SRPK2: variants seen among roughly 807,000 people sequenced by gnomAD.
SRPK2 encodes SFRS protein kinase 2.
Under a neutral mutation model 90.8 loss-of-function variants are expected in SRPK2, and 21 were observed. The ratio of observed to expected loss-of-function variants is 0.23; its 90% CI spans 0.16 to 0.33. SRPK2 has a LOEUF of 0.33. SRPK2 is among the 10% of genes least tolerant of loss of function. SRPK2 has a pLI of 1.00. For missense variants in SRPK2, 620 were observed against 869.0 expected, an observed-to-expected ratio of 0.71 and a Z score of 3.60; for synonymous variants, 288 against 311.1, an observed-to-expected ratio of 0.93 and a Z score of 0.78.
chr7:105,359,088 C>G (rs12671047), intron 2 of SRPK2, among the ~76,000 whole-genome samples: 2 of 150,266 alleles, frequency 1.3e-5, no homozygotes, highest in African/African-American at 4.9e-5. Context: ...ACCACCAACA[C>G]TGGGGTATCA....
chr7:105,316,985 C>A (rs923469069), intron 2 of SRPK2, among the ~76,000 whole-genome samples: 1 of 152,194 alleles, frequency 6.6e-6, no homozygotes, highest in South Asian at 2.1e-4. Context: ...CTCCTTTATA[C>A]CTGAAAATCA....
chr7:105,204,139 C>A (rs761980478), intron 2 of SRPK2, among the ~76,000 whole-genome samples: 1 of 152,144 alleles, frequency 6.6e-6, no homozygotes, highest in Non-Finnish European at 1.5e-5. Context: ...TGGTATATAG[C>A]CTTATTGGTT....
At chr7:105,193,075 C>G (rs1794503304) in intron 3 of SRPK2, among the ~76,000 whole-genome samples, 1 of 152,230 alleles carries the variant, frequency 6.6e-6, no homozygotes, top group East Asian at 1.9e-4. Flanking sequence ...TTGTTTTGAT[C>G]ACATTTGCAT....
At chr7:105,385,688 C>A (rs1310042647) in intron 2 of SRPK2, among the ~76,000 whole-genome samples, 1 of 152,200 alleles carries the variant, frequency 6.6e-6, no homozygotes, top group Non-Finnish European at 1.5e-5. Flanking sequence ...CTCGATCCTG[C>A]CCAAATGCCA....
upstream of SRPK2, chr7:105,389,254 C>G (rs1463139304): frequency 8.0e-7 from 1 of 1,256,632 alleles, no homozygotes; most frequent in Admixed American, 2.5e-5. Flanking sequence ...CCCGGCCGGT[C>G]GCGCCGCCCG....
intron 2 of SRPK2, among the ~76,000 whole-genome samples, chr7:105,295,156 G>A (rs1056091349): frequency 7.9e-5 from 12 of 151,336 alleles, no homozygotes; most frequent in African/African-American, 2.9e-4. Flanking sequence ...AGGCTGCGGT[G>A]AGCCAAACTG....
intron 2 of SRPK2, among the ~76,000 whole-genome samples, chr7:105,310,528 C>CA (rs1413870020): frequency 6.6e-6 from 1 of 152,074 alleles, no homozygotes; most frequent in African/African-American, 2.4e-5. Flanking sequence ...CCTGTAGTTC[C>CA]AGCTACTCGA....
intron 2 of SRPK2, among the ~76,000 whole-genome samples, chr7:105,308,589 T>C (rs1008145131): frequency 1.3e-5 from 2 of 152,160 alleles, no homozygotes; most frequent in African/African-American, 2.4e-5. Context: ...TAGTACTACT[T>C]TTCCAATTGG....
chr7:105,347,978 C>A (rs1816669260), intron 2 of SRPK2, among the ~76,000 whole-genome samples: 1 of 151,672 alleles, frequency 6.6e-6, no homozygotes, highest in African/African-American at 2.4e-5. Context: ...TTGCACATTT[C>A]CTTGAAAACA....
intron 2 of SRPK2, among the ~76,000 whole-genome samples, chr7:105,234,113 A>G (rs1563121684): frequency 6.6e-6 from 1 of 152,120 alleles, no homozygotes. Context: ...ACAGATTCAC[A>G]TTAAGAACAC....
At position 105,125,129 on chromosome 7, in the gene SRPK2, CAA is replaced by C. The variant is rs61616576; in HGVS notation, c.1915+1117_1915+1118del. Among the ~76,000 whole-genome samples, 35 of 88,092 alleles carry C rather than the reference CAA, an allele frequency of 4.0e-4. No homozygotes were observed. In the East Asian group the frequency reaches 4.1e-3, roughly 10 times the overall value. The allele number at this position is 88,092 out of a possible 152,430, so 57.8% of individuals were successfully genotyped here. Reference sequence around the variant, plus strand: ...TGGGCAACAGAGCAAGACTCCATCTCAAAAAAAAAAAAAAAAAAAAGAATATA... The same window carrying C: ...TGGGCAACAGAGCAAGACTCCATCTCAAAAAAAAAAAAAAAAAAGAATATA... On this transcript the variant is annotated intron_variant, in intron 15 of 15. Transcript: ENST00000393651.
chr7:105,301,610 C>A (rs182182415), intron 2 of SRPK2: 65 of 1,607,768 alleles, frequency 4.0e-5, no homozygotes, highest in Middle Eastern at 4.5e-4. Context: ...AGTTCAGTTT[C>A]TTTTCAATAT....
chr7:105,265,623 A>G lies in SRPK2; in HGVS notation c.72-61838T>C, dbSNP rs2299330. Among the ~76,000 whole-genome samples the G allele has an allele frequency of 4.6e-5, 7 of 152,214 alleles. No homozygotes were observed. The East Asian group carries it at 9.6e-4, about 21-fold the overall frequency. On this transcript the variant is annotated intron_variant, in intron 2 of 15. Coordinates refer to ENST00000393651, the MANE Select transcript of SRPK2 (RefSeq NM_182692.3). ...TGAAGAAACGAGAACTTGAAAACCT[A>G]GTTTTTTTAATCAGATATTCACATT...
chr7:105,367,791 A>G (rs569566806), intron 2 of SRPK2, among the ~76,000 whole-genome samples: 66 of 152,348 alleles, frequency 4.3e-4, no homozygotes, highest in African/African-American at 1.6e-3. Context: ...ATGATAAAAC[A>G]GGCTAGCATC....
At chr7:105,259,712 A>T (rs1803919914) in intron 2 of SRPK2, among the ~76,000 whole-genome samples, 1 of 152,236 alleles carries the variant, frequency 6.6e-6, no homozygotes. Context: ...AACAGAACAG[A>T]GGCCTCAGAA....
At chr7:105,292,780 C>T (rs1021469617) in intron 2 of SRPK2, among the ~76,000 whole-genome samples, 3 of 152,120 alleles carry the variant, frequency 2.0e-5, no homozygotes, top group African/African-American at 7.2e-5. Flanking sequence ...TGGTAGTTTC[C>T]CACACTGTTC....
chr7:105,294,919 A>G (rs897575461), intron 2 of SRPK2, among the ~76,000 whole-genome samples: 1 of 152,174 alleles, frequency 6.6e-6, no homozygotes, highest in African/African-American at 2.4e-5. Context: ...TCTTTAAAAA[A>G]TACAAAATAG....
chr7:105,191,881 A>T (rs142023107), intron 3 of SRPK2, among the ~76,000 whole-genome samples: 143 of 150,308 alleles, frequency 9.5e-4, no homozygotes, highest in African/African-American at 3.4e-3. Context: ...AACAAAAAAA[A>T]CTTTTTTTTT....
chr7:105,130,172 C>G (rs992649984), intron 13 of SRPK2, among the ~76,000 whole-genome samples: 1 of 152,250 alleles, frequency 6.6e-6, no homozygotes, highest in Non-Finnish European at 1.5e-5. Context: ...GAGCCTAAAG[C>G]TGTCCTCCCT....
Sources: allele counts gnomAD v4.1 joint callset (sites outside exome capture counted in the v4.1 genomes callset), GRCh38; gene constraint gnomAD v4.1.1; transcripts MANE v1.5; gene names NCBI Gene and HGNC (gene_info 2026-07-23, HGNC 2026-07-21).